Variants in CLDN10 observed in about 807,000 individuals in gnomAD.
CLDN10 encodes the protein claudin 10, also known as claudin-10.
CLDN10 carries 15 observed loss-of-function variants against 22.9 expected under a neutral mutation model. The ratio of observed to expected loss-of-function variants is 0.65; its 90% confidence interval spans 0.44 to 1.01. The LOEUF is 1.01. CLDN10 is among the 50% of genes least tolerant of loss of function. CLDN10 has a pLI of 0.00. For synonymous variants in CLDN10, 114 were observed against 111.4 expected (o/e 1.02, Z -0.15); for missense variants, 247 against 287.8 (o/e 0.86, Z 1.03).
intron 1 of CLDN10, among the ~76,000 whole-genome samples, chr13:95,483,357 A>ATT (rs11426926): frequency 2.0e-5 from 3 of 151,632 alleles, no homozygotes; most frequent in African/African-American, 4.8e-5. Flanking sequence ...CTCATCTCTA[A>ATT]TTTTTTTTCT....
chr13:95,518,699 C>G (rs989470904), intron 1 of CLDN10, among the ~76,000 whole-genome samples: 4 of 151,972 alleles, frequency 2.6e-5, no homozygotes, highest in Admixed American at 6.6e-5. Context: ...ACGGAGGTTG[C>G]AGTGAGCCAA....
intron 1 of CLDN10, among the ~76,000 whole-genome samples, chr13:95,474,927 G>A (rs2042670796): frequency 6.6e-6 from 1 of 152,140 alleles, no homozygotes; most frequent in Admixed American, 6.5e-5. Context: ...GGCGGTGGGT[G>A]GAGGGCCTGA....
intron 1 of CLDN10, among the ~76,000 whole-genome samples, chr13:95,493,405 A>C (rs2042896561): frequency 6.6e-6 from 1 of 152,048 alleles, no homozygotes; most frequent in Non-Finnish European, 1.5e-5. Context: ...ACCACCACCC[A>C]TCTCCAGAAA....
intron 1 of CLDN10, among the ~76,000 whole-genome samples, chr13:95,474,260 C>T (rs373066321): frequency 6.6e-6 from 1 of 152,082 alleles, no homozygotes; most frequent in Non-Finnish European, 1.5e-5. Flanking sequence ...CCAGATCCCT[C>T]GTATGTGCAG....
At position 95,543,900 on chromosome 13, in the gene CLDN10, C is replaced by A. The variant is rs9561899; in HGVS notation, c.215-16232C>A. On this transcript the variant is annotated intron_variant, in intron 1 of 4. Coordinates refer to the CLDN10 transcript ENST00000376873. ...TTGTTTAAAATATAAACTGACAAAG[C>A]CTTATATTCATAAGATTTTAATTTG... Among the ~76,000 whole-genome samples the A allele has an allele frequency of 2.8e-4, 42 of 152,044 alleles. No individual in the cohort carries two copies. In the East Asian group the frequency reaches 7.5e-3, roughly 27 times the overall value.
chr13:95,528,316 C>T (rs571351162), intron 1 of CLDN10, among the ~76,000 whole-genome samples: 2 of 152,250 alleles, frequency 1.3e-5, no homozygotes, highest in East Asian at 3.9e-4. Flanking sequence ...GGTTCTCATT[C>T]TCTCTTGCCT....
intron 1 of CLDN10, among the ~76,000 whole-genome samples, chr13:95,543,346 G>A (rs1219139193): frequency 2.0e-5 from 3 of 152,156 alleles, no homozygotes; most frequent in East Asian, 1.9e-4. Flanking sequence ...TAAAATAGGT[G>A]GAAGTGTGGA....
chr13:95,552,624 C>T (rs984973165), upstream of CLDN10: 9 of 1,211,920 alleles, frequency 7.4e-6, 1 homozygote, highest in South Asian at 1.3e-4. Context: ...GGCGCCGGGT[C>T]CGCTGGGCGG....
At chr13:95,462,271 T>C (rs2042543066) in intron 1 of CLDN10, among the ~76,000 whole-genome samples, 1 of 152,224 alleles carries the variant, frequency 6.6e-6, no homozygotes. Context: ...GTATGAATTA[T>C]GATTTTACCT....
At chr13:95,576,154 G>T (rs904708413) in intron 3 of CLDN10, among the ~76,000 whole-genome samples, 2 of 152,152 alleles carry the variant, frequency 1.3e-5, no homozygotes, top group Non-Finnish European at 2.9e-5. Flanking sequence ...GGGTGGCCTT[G>T]ATCTGATACC....
intron 3 of CLDN10, among the ~76,000 whole-genome samples, chr13:95,570,858 GTA>G (rs55861640): frequency 0.1 from 11,905 of 119,598 alleles, 702 homozygotes; most frequent in East Asian, 0.24. Context: ...ATATACGTGT[GTA>G]TATATATATA....
intron 1 of CLDN10, among the ~76,000 whole-genome samples, chr13:95,469,050 A>C (rs2042605529): frequency 1.3e-5 from 2 of 152,018 alleles, no homozygotes; most frequent in African/African-American, 4.8e-5. Context: ...CAGAGAAAAA[A>C]TTATTCTAAA....
intron 1 of CLDN10, among the ~76,000 whole-genome samples, chr13:95,466,196 G>A (rs555834455): frequency 1.3e-5 from 2 of 151,824 alleles, no homozygotes; most frequent in South Asian, 2.1e-4. Context: ...GTCTGGATTC[G>A]GTTTGCTATT....
At chr13:95,555,587 G>C (rs1217237325) in intron 1 of CLDN10, among the ~76,000 whole-genome samples, 1 of 152,148 alleles carries the variant, frequency 6.6e-6, no homozygotes, top group Non-Finnish European at 1.5e-5. Context: ...TTCTCACACA[G>C]GACTTTGAAA....
chr13:95,434,119 C>A, intron 1 of CLDN10: 2 of 1,332,544 alleles, frequency 1.5e-6, no homozygotes, highest in Non-Finnish European at 2.1e-6. Context: ...AAGTAGCTGT[C>A]TATGGCTGGC....
chr13:95,455,483 A>T (rs2042473876), intron 1 of CLDN10, among the ~76,000 whole-genome samples: 1 of 152,184 alleles, frequency 6.6e-6, no homozygotes, highest in Non-Finnish European at 1.5e-5. Flanking sequence ...AAAATTCTAA[A>T]ATCCTAGAGA....
chr13:95,509,944 G>A (rs2043078269), intron 1 of CLDN10, among the ~76,000 whole-genome samples: 1 of 152,234 alleles, frequency 6.6e-6, no homozygotes, highest in South Asian at 2.1e-4. Context: ...GTGGTGGGTA[G>A]GATAGGCATG....
intron 1 of CLDN10, among the ~76,000 whole-genome samples, chr13:95,523,305 A>T (rs184348213): frequency 2.4e-4 from 36 of 152,286 alleles, no homozygotes; most frequent in Non-Finnish European, 3.4e-4. Flanking sequence ...AAATCTCAGA[A>T]CACTTTAATT....
At chr13:95,557,337 A>G (rs530204697) in intron 1 of CLDN10, among the ~76,000 whole-genome samples, 2 of 152,342 alleles carry the variant, frequency 1.3e-5, no homozygotes, top group African/African-American at 4.8e-5. Context: ...GTTAGAAAGC[A>G]AGGCTGTAGA....
Sources: gnomAD v4.1 joint callset for allele counts (sites outside exome capture counted in the v4.1 genomes callset) on GRCh38, gnomAD v4.1.1 for gene constraint, MANE v1.5 for transcripts, NCBI Gene and HGNC (gene_info 2026-07-23, HGNC 2026-07-21) for gene names.